Variants in TFPT observed in about 807,000 individuals in gnomAD.
TFPT encodes the protein TCF3 fusion partner.
A neutral mutation model predicts 28.8 loss-of-function variants in TFPT; 27 were observed. That is an observed-to-expected ratio of 0.94 (90% CI 0.69 to 1.29). The LOEUF (loss-of-function observed/expected upper bound fraction) is 1.29. TFPT is among the 50% of genes most tolerant of loss of function. The pLI, the probability that TFPT is intolerant of heterozygous loss-of-function variation, is 0.00. For missense variants in TFPT, 330 were observed against 338.0 expected (o/e 0.98, Z 0.19); for synonymous variants, 152 against 142.8 (o/e 1.06, Z -0.46).
chr19:54,107,675 C>T (rs77577961), intron 5 of TFPT: 4,644 of 335,300 alleles, frequency 0.014, 211 homozygotes, highest in African/African-American at 0.09. Context: ...CCTTCCACTC[C>T]GTCTTCTCTG....
At chr19:54,109,916 G>A in intron 3 of TFPT, 135 bp downstream of exon 3, 1 of 412,968 alleles carries the variant, frequency 2.4e-6, no homozygotes, top group Non-Finnish European at 3.6e-6. Context: ...GTTTGCCTCA[G>A]CCCCCGGCCC....
At chr19:54,114,319 TA>T in intron 2 of TFPT, 122 bp downstream of exon 2, 2 of 1,448,744 alleles carry the variant, frequency 1.4e-6, no homozygotes, top group Non-Finnish European at 1.8e-6. Flanking sequence ...ACTGAATATA[TA>T]AGCTAAATGA....
chr19:54,114,814 C>G, intron 1 of TFPT, 114 bp from the exon 2 acceptor site: 1 of 1,397,278 alleles, frequency 7.2e-7, no homozygotes, highest in Non-Finnish European at 9.6e-7. Flanking sequence ...AGAATCCAGG[C>G]CCCCAGCCCC....
Position 54,108,395 on chromosome 19 carries a change from C to T in TFPT, c.354G>A (p.Arg118=). ...AGGAGTCCAGCACTCTCATGAGGAA[C>T]CTGCTCAGGGGGAGAAGCCACCAAC... is the stretch of plus-strand genomic sequence containing the variant. ...RITRRLQQER[R]FLMRVLDSYG... The change falls in exon 4 of 6, where the codon AGG becomes AGA. Residue 118 remains arginine (R), a splice_region_variant and synonymous_variant. Transcript: ENST00000391759. 6.2e-7 allele frequency: 1 copy of T among 1,613,882 alleles called. No homozygotes were observed. Among genetic ancestry groups the T allele is most frequent in the Middle Eastern group, 1.7e-4 (1 of 6,060 alleles).
chr19:54,114,296 T>A, intron 2 of TFPT, 146 bp downstream of exon 2: 1 of 1,345,922 alleles, frequency 7.4e-7, no homozygotes, highest in South Asian at 1.4e-5. Flanking sequence ...AGACACATAA[T>A]GCATGCTAAA....
At chr19:54,113,455 T>G (rs1395453607) in intron 2 of TFPT, among the ~76,000 whole-genome samples, 1 of 152,170 alleles carries the variant, frequency 6.6e-6, no homozygotes, top group Non-Finnish European at 1.5e-5. Flanking sequence ...CCTCCAGAAC[T>G]GTCAGACAGG....
chr19:54,114,386 G>A, intron 2 of TFPT, 56 bp downstream of exon 2: 1 of 1,563,664 alleles, frequency 6.4e-7, no homozygotes, highest in Non-Finnish European at 8.6e-7. Flanking sequence ...AGAGATTGCG[G>A]GGGGCGGTAG....
chr19:54,108,453 G>A (rs754678668), intron 3 of TFPT, 58 bp from the exon 4 acceptor site: 2 of 1,613,906 alleles, frequency 1.2e-6, no homozygotes, highest in South Asian at 2.2e-5. Context: ...CTGGGGAAAA[G>A]GGCCACAGGA....
At chr19:54,109,630 C>T (rs1187451712) in intron 3 of TFPT, among the ~76,000 whole-genome samples, 4 of 152,102 alleles carry the variant, frequency 2.6e-5, no homozygotes, top group African/African-American at 4.8e-5. Context: ...ACAACCCTGC[C>T]GCAGCCTCAT....
intron 3 of TFPT, 110 bp from the exon 4 acceptor site, chr19:54,108,505 G>A: frequency 6.2e-7 from 1 of 1,613,398 alleles, no homozygotes; most frequent in South Asian, 1.1e-5. Flanking sequence ...AAGCTGTCCT[G>A]GAGCCAGACG....
intron 1 of TFPT, 195 bp from the exon 2 acceptor site, chr19:54,114,895 C>A: frequency 2.6e-6 from 2 of 764,038 alleles, no homozygotes; most frequent in South Asian, 1.9e-5. Flanking sequence ...GTCCGCAACC[C>A]ACCCTTCGCA....
Position 54,114,579 on chromosome 19 carries a change from A to T in TFPT, c.145T>A (p.Ser49Thr), listed in dbSNP as rs1255721224. The T allele has an allele frequency of 6.2e-7, 1 of 1,614,026 alleles. No individual in the cohort carries two copies. Among genetic ancestry groups the T allele is most frequent in the East Asian group, 2.2e-5 (1 of 44,872 alleles). ...AGCCCTGAGCCGCCCAGACCACCTG[A>T]CACAAACTCCACTTCCGTCTCCAGC... The part of the protein sequence containing the change: ...SELETEVEFV[S>T]GGLGGSGLRE... The change falls in exon 2 of 6, where the codon TCA becomes ACA. Residue 49 changes from serine to threonine, a missense_variant. By Grantham distance (58) the Ser-to-Thr change is moderately conservative. Coordinates refer to ENST00000391759, the MANE Select transcript of TFPT (RefSeq NM_013342.4).
intron 2 of TFPT, 79 bp from the exon 3 acceptor site, chr19:54,110,200 A>G (rs1385363141): frequency 2.0e-6 from 3 of 1,501,352 alleles, no homozygotes; most frequent in African/African-American, 1.4e-5. Context: ...TGGGGCACGC[A>G]CTAAACTCTG....
chr19:54,109,243 T>G (rs1279535961), intron 3 of TFPT: 1 of 154,450 alleles, frequency 6.5e-6, no homozygotes, highest in African/African-American at 2.4e-5. Context: ...GCGGCTACCG[T>G]GCTGGACAGC....
intron 5 of TFPT, 140 bp downstream of exon 5, chr19:54,107,886 G>A: frequency 1.3e-6 from 1 of 784,924 alleles, no homozygotes; most frequent in Non-Finnish European, 1.9e-6. Flanking sequence ...GGGCCCCTCG[G>A]GGTGCAGAAC....
rs1444511212 is a variant in TFPT, at chr19:54,115,613, T to G, written c.-344A>C. Reference sequence around the variant, plus strand: ...CACAGCGGGACGTGAGTCCCTTTCCTCCTCGCGGCTTACCGCCTCTCTCCG... The same window carrying G: ...CACAGCGGGACGTGAGTCCCTTTCCGCCTCGCGGCTTACCGCCTCTCTCCG... On this transcript the variant is annotated 5_prime_UTR_variant, in exon 1 of 6. Coordinates refer to ENST00000391759, the MANE Select transcript of TFPT (RefSeq NM_013342.4). The G allele has an allele frequency of 2.3e-6, 1 of 437,122 alleles. No homozygotes were observed. Among genetic ancestry groups the G allele is most frequent in the African/African-American group, 2.0e-5 (1 of 50,478 alleles). 27.1% of individuals were successfully genotyped at this position (437,122 alleles called of 1,614,324 possible).
At chr19:54,107,893 G>A in intron 5 of TFPT, 133 bp downstream of exon 5, 1 of 940,516 alleles carries the variant, frequency 1.1e-6, no homozygotes, top group Non-Finnish European at 1.5e-6. Context: ...TCGGGGTGCA[G>A]AACCAAAACC....
At position 54,108,066 on chromosome 19, in the gene TFPT, CGGCGTCCATCCCGT is replaced by C; in HGVS notation, c.588_601del (p.Arg197SerfsTer15). ...CTCTGGAGTCAGCGCATTTCCTGCT[CGGCGTCCATCCCGT>C]GGCACTCGCCGCCTCTTCCGCCCAC... On this transcript the variant is annotated frameshift_variant, in exon 5 of 6. Coordinates refer to ENST00000391759, the MANE Select transcript of TFPT (RefSeq NM_013342.4). LOFTEE classifies it high-confidence loss of function. 6.5e-7 allele frequency: 1 copy of C among 1,541,442 alleles called. No homozygotes were observed. The highest frequency in any genetic ancestry group is 8.7e-7 in the Non-Finnish European group (1 of 1,145,100).
chr19:54,110,641 GAAGT>G, intron 2 of TFPT, among the ~76,000 whole-genome samples: 1 of 152,096 alleles, frequency 6.6e-6, no homozygotes, highest in Middle Eastern at 3.4e-3. Context: ...GTGGAGGGGT[GAAGT>G]GAGTTGAGAT....
Sources: gnomAD v4.1 joint callset for allele counts (sites outside exome capture counted in the v4.1 genomes callset) on GRCh38, gnomAD v4.1.1 for gene constraint, MANE v1.5 for transcripts, NCBI Gene and HGNC (gene_info 2026-07-23, HGNC 2026-07-21) for gene names.